Variants in VASH1 observed in about 807,000 individuals in gnomAD.
The protein encoded by VASH1 is vasohibin 1.
VASH1 carries 16 observed loss-of-function variants against 35.0 expected under a neutral mutation model. The observed-to-expected ratio is 0.46, with a 90% CI of 0.31 to 0.70. The LOEUF (loss-of-function observed/expected upper bound fraction) is 0.70. Ranked by LOEUF, VASH1 falls within the 30% of genes least tolerant of loss-of-function variation. The pLI, the probability that VASH1 is intolerant of heterozygous loss-of-function variation, is 0.05. For synonymous variants in VASH1, 214 were observed against 200.9 expected (o/e 1.07, Z -0.55); for missense variants, 505 against 510.7 (o/e 0.99, Z 0.11).
rs1036293812 is a variant in VASH1 at position 76,763,097 on chromosome 14, G to A, written c.276G>A (p.Ala92=). Residue 92 remains alanine, a synonymous_variant, in exon 1 of 7, where the codon GCG becomes GCA. Coordinates refer to ENST00000167106, the MANE Select transcript of VASH1 (RefSeq NM_014909.5). ...AKIHPDGEKV[A]QRIRGATDLP... Reference sequence around the variant, plus strand: ...TCCACCCCGATGGAGAGAAGGTGGCGCAACGGATCCGTGGGGCCACAGACC... The same window carrying A: ...TCCACCCCGATGGAGAGAAGGTGGCACAACGGATCCGTGGGGCCACAGACC... 6.0e-6 allele frequency: 9 copies of A among 1,499,098 alleles called. No individual in the cohort carries two copies. Among genetic ancestry groups the A allele is most frequent in the South Asian group, 2.7e-5 (2 of 73,948 alleles). 92.9% of individuals were successfully genotyped at this position (1,499,098 alleles called of 1,614,324 possible).
At chr14:76,775,209 G>A (rs1893901568) in intron 4 of VASH1, among the ~76,000 whole-genome samples, 1 of 152,228 alleles carries the variant, frequency 6.6e-6, no homozygotes, top group African/African-American at 2.4e-5. Flanking sequence ...CATGGTGAGA[G>A]TGCCGTGGAG....
rs774158162 is a variant in VASH1 at position 76,775,822 on chromosome 14, G to A, written c.531-70G>A. 8.9e-5 allele frequency: 131 copies of A among 1,476,812 alleles called. No homozygotes were observed. The Admixed American group carries it at 1.9e-3, about 22-fold the overall frequency. 91.5% of individuals were successfully genotyped at this position (1,476,812 alleles called of 1,614,324 possible). A position where few individuals can be genotyped will look rare whatever the true frequency, so the allele number is the denominator to read the frequency against. Reference sequence around the variant, plus strand: ...GCGGTGCGTGGACCCCGTGGCTCCCGGTCCCAGTCCCTCCCGGTGTGCTGG... The same window carrying A: ...GCGGTGCGTGGACCCCGTGGCTCCCAGTCCCAGTCCCTCCCGGTGTGCTGG... On this transcript the variant is annotated intron_variant, in intron 4 of 6. Transcript: ENST00000167106.
At chr14:76,769,880 TG>T in intron 1 of VASH1, 82 bp from the exon 2 acceptor site, 1 of 1,455,036 alleles carries the variant, frequency 6.9e-7, no homozygotes. Context: ...GGGGCGCCTC[TG>T]GGGCCAGTCC....
intron 1 of VASH1, among the ~76,000 whole-genome samples, chr14:76,766,105 G>A (rs1893634763): frequency 6.6e-6 from 1 of 152,244 alleles, no homozygotes; most frequent in African/African-American, 2.4e-5. Flanking sequence ...GCTTCATTAA[G>A]TGCCTCTAAT....
At chr14:76,778,352 A>T (rs1467734576) in intron 6 of VASH1, among the ~76,000 whole-genome samples, 1 of 152,176 alleles carries the variant, frequency 6.6e-6, no homozygotes, top group Non-Finnish European at 1.5e-5. Flanking sequence ...CCTGCAAGGC[A>T]GTGAGCCACC....
chr14:76,775,184 G>A (rs1893900698), intron 4 of VASH1, among the ~76,000 whole-genome samples: 1 of 152,216 alleles, frequency 6.6e-6, no homozygotes, highest in African/African-American at 2.4e-5. Context: ...GGAAAAAGAA[G>A]CAGTAAACAC....
At chr14:76,772,675 T>C (rs555380790) in intron 3 of VASH1, among the ~76,000 whole-genome samples, 2 of 152,362 alleles carry the variant, frequency 1.3e-5, no homozygotes, top group South Asian at 2.1e-4. Flanking sequence ...GGGGAGGCAG[T>C]TGCAGTCAAT....
At chr14:76,773,041 T>C (rs1893835540) in intron 3 of VASH1, 96 bp from the exon 4 acceptor site, 1 of 1,233,190 alleles carries the variant, frequency 8.1e-7, no homozygotes, top group East Asian at 2.4e-5. Flanking sequence ...GCCTCTGTCC[T>C]TCTAGCATTT....
chr14:76,777,947 C>T lies in VASH1; in HGVS notation c.913-12C>T. 6.7e-7 allele frequency: 1 copy of T among 1,492,688 alleles called. No individual in the cohort carries two copies. Among genetic ancestry groups the T allele is most frequent in the Non-Finnish European group, 8.9e-7 (1 of 1,122,054 alleles). 92.5% of individuals were successfully genotyped at this position (1,492,688 alleles called of 1,614,324 possible). ...CCTGGAGTGATGCTGTTGCTTCCTC[C>T]TCTGCACCTAGATTGGCAAAGGGAC... On this transcript the variant is annotated splice_polypyrimidine_tract_variant and intron_variant, in intron 5 of 6. Transcript: ENST00000167106.
intron 1 of VASH1, among the ~76,000 whole-genome samples, chr14:76,768,337 C>T (rs1893697398): frequency 6.6e-6 from 1 of 152,120 alleles, no homozygotes; most frequent in Admixed American, 6.5e-5. Flanking sequence ...GGAGGGGGAG[C>T]AATGTGAAAG....
Position 76,763,050 on chromosome 14 carries a change from A to T in VASH1, c.229A>T (p.Met77Leu). The change falls in exon 1 of 7, where the codon ATG becomes TTG. Residue 77 changes from methionine (M) to leucine (L), a missense_variant. By Grantham distance (15) the Met-to-Leu change is conservative. Coordinates refer to ENST00000167106, the MANE Select transcript of VASH1 (RefSeq NM_014909.5). ...LPVDEATWER[M>L]WKHVAKIHPD... ...TGTGGATGAGGCCACCTGGGAAAGG[A>T]TGTGGAAACACGTGGCCAAGATCCA... The T allele has an allele frequency of 6.5e-7, 1 of 1,544,842 alleles. No homozygotes were observed. The highest frequency in any genetic ancestry group is 8.7e-7 in the Non-Finnish European group (1 of 1,143,532).
rs546350094 is a variant in VASH1 at position 76,765,506 on chromosome 14, G to A, written c.309+2376G>A. Among the ~76,000 whole-genome samples the A allele has an allele frequency of 2.0e-5, 3 of 152,314 alleles. No homozygotes were observed. In the South Asian group the frequency reaches 6.2e-4, roughly 32 times the overall value. On this transcript the variant is annotated intron_variant, in intron 1 of 6. Coordinates refer to ENST00000167106, the MANE Select transcript of VASH1 (RefSeq NM_014909.5). ...AGTGCAGTGGAGTCCAGGAGGCCTT[G>A]GAGAGAAGCAGCGTGGGTTGGGTGC...
Position 76,762,878 on chromosome 14 carries a change from C to T in VASH1, c.57C>T (p.Ser19=), listed in dbSNP as rs749012509. ...GGGSSGATPT[S]AAATAPSGVR... is the part of the protein sequence containing the mutation. ...GCAGCAGCGGTGCCACTCCAACGTC[C>T]GCTGCGGCCACCGCCCCCTCTGGGG... Residue 19 remains serine, a synonymous_variant, in exon 1 of 7, where the codon TCC becomes TCT. Transcript: ENST00000167106. The T allele has an allele frequency of 3.4e-5, 52 of 1,549,608 alleles. 1 individual carries two copies. The highest frequency in any genetic ancestry group is 3.5e-4 in the Middle Eastern group (2 of 5,698).
intron 1 of VASH1, 42 bp from the exon 2 acceptor site, chr14:76,769,921 G>A: frequency 6.2e-7 from 1 of 1,600,544 alleles, no homozygotes; most frequent in Non-Finnish European, 8.6e-7. Flanking sequence ...AAGCTCCAAG[G>A]TGAGCCTCTT....
chr14:76,762,580 G>GT lies in VASH1; in HGVS notation c.-237dup, dbSNP rs1893531699. The stretch of plus-strand genomic sequence containing the variant: ...AGTTGGGGTGTGTTCTCTTTATTCC[G>GT]TTTTTCAAACAGAACAAGGCCTCCA... On this transcript the variant is annotated 5_prime_UTR_variant, in exon 1 of 7. It removes the in-frame stop codon of an upstream open reading frame in the 5' UTR. Transcript: ENST00000167106. 5.2e-6 allele frequency: 2 copies of GT among 383,390 alleles called. No homozygotes were observed. The highest frequency in any genetic ancestry group is 4.6e-5 in the Admixed American group (1 of 21,754). The allele number at this position is 383,390 out of a possible 1,614,324, so 23.7% of individuals were successfully genotyped here. A position where few individuals can be genotyped will look rare whatever the true frequency, so the allele number is the denominator to read the frequency against.
chr14:76,780,093 G>T lies in VASH1; in HGVS notation c.*1075G>T. On this transcript the variant is annotated 3_prime_UTR_variant, in exon 7 of 7. Coordinates refer to ENST00000167106, the MANE Select transcript of VASH1 (RefSeq NM_014909.5). The stretch of plus-strand genomic sequence containing the variant: ...TGGCAGGGCATCAGGGCCCTGGCAG[G>T]GAAGAACCTAGGCACCTGGGGTTGT... 6.4e-6 allele frequency: 1 copy of T among 155,570 alleles called. No homozygotes were observed. The highest frequency in any genetic ancestry group is 1.4e-5 in the Non-Finnish European group (1 of 69,996). 9.6% of individuals were successfully genotyped at this position (155,570 alleles called of 1,614,324 possible). A position where few individuals can be genotyped will look rare whatever the true frequency, so the allele number is the denominator to read the frequency against.
In VASH1 at chr14:76,782,332, CAG is replaced by C. The variant is rs1232943173; in HGVS notation, c.*3321_*3322del. The C allele has an allele frequency of 6.6e-6, 1 of 152,282 alleles. No individual in the cohort carries two copies. Among genetic ancestry groups the C allele is most frequent in the Non-Finnish European group, 1.5e-5 (1 of 68,084 alleles). The allele number at this position is 152,282 out of a possible 1,614,324, so 9.4% of individuals were successfully genotyped here. A position where few individuals can be genotyped will look rare whatever the true frequency, so the allele number is the denominator to read the frequency against. ...AAGCCTAGGGCCAGGGTTTGGGGAGCAGAGAGAGCCAAGAAGTTGACCACGTG... is the reference window on the plus strand; with the variant it reads ...AAGCCTAGGGCCAGGGTTTGGGGAGCAGAGAGCCAAGAAGTTGACCACGTG... On this transcript the variant is annotated 3_prime_UTR_variant, in exon 7 of 7. Transcript: ENST00000167106.
Position 76,773,228 on chromosome 14 carries a change from G to A in VASH1, c.530+17G>A. On this transcript the variant is annotated intron_variant, in intron 4 of 6. Coordinates refer to ENST00000167106, the MANE Select transcript of VASH1 (RefSeq NM_014909.5). The stretch of plus-strand genomic sequence containing the variant: ...CCTGGGAATGTATCCTTCCTCACCT[G>A]AAGGGGAGGGGTCCGGGCTTCTCTG... The A allele has an allele frequency of 6.2e-7, 1 of 1,612,740 alleles. No homozygotes were observed. The highest frequency in any genetic ancestry group is 1.1e-5 in the South Asian group (1 of 91,028).
At chr14:76,772,376 G>A (rs148238874) in intron 3 of VASH1, among the ~76,000 whole-genome samples, 19 of 152,264 alleles carry the variant, frequency 1.2e-4, no homozygotes, top group African/African-American at 3.9e-4. Context: ...CACCCTCTCC[G>A]AGGCCCTGGA....
Sources: allele counts gnomAD v4.1 joint callset (sites outside exome capture counted in the v4.1 genomes callset), GRCh38; gene constraint gnomAD v4.1.1; transcripts MANE v1.5; gene names NCBI Gene and HGNC (gene_info 2026-07-23, HGNC 2026-07-21).